SIVA1: variants seen among roughly 807,000 people sequenced by gnomAD.
SIVA1 encodes apoptosis regulatory protein Siva.
Under a neutral mutation model 19.7 loss-of-function variants are expected in SIVA1, and 10 were observed. The observed-to-expected ratio is 0.51, with a 90% CI of 0.31 to 0.86. SIVA1 has a LOEUF of 0.86. Ranked by LOEUF, SIVA1 falls within the 40% of genes least tolerant of loss-of-function variation. SIVA1 has a pLI of 0.04. For synonymous variants in SIVA1, 130 were observed against 106.1 expected, an observed-to-expected ratio of 1.23 and a Z score of -1.39; for missense variants, 241 against 245.2, an observed-to-expected ratio of 0.98 and a Z score of 0.11.
At chr14:104,756,848 GAAC>G in intron 3 of SIVA1, 88 bp downstream of exon 3, 3 of 1,382,692 alleles carry the variant, frequency 2.2e-6, no homozygotes, top group Non-Finnish European at 2.9e-6. Context: ...TGTGGGCCCA[GAAC>G]ACACACGTGT....
intron 2 of SIVA1, 32 bp from the exon 3 acceptor site, chr14:104,756,572 C>T: frequency 6.2e-7 from 1 of 1,613,572 alleles, no homozygotes; most frequent in East Asian, 2.2e-5. Context: ...AGTCTCCTTG[C>T]AGCCTGACGG....
intron 3 of SIVA1, 127 bp downstream of exon 3, chr14:104,756,887 A>G: frequency 9.2e-7 from 1 of 1,092,212 alleles, no homozygotes; most frequent in Non-Finnish European, 1.3e-6. Flanking sequence ...GCCATCTGGC[A>G]TTGCCTAACG....
At chr14:104,755,586 T>C (rs369620011) in intron 1 of SIVA1, 44 bp from the exon 2 acceptor site, 26 of 1,556,596 alleles carry the variant, frequency 1.7e-5, no homozygotes, top group African/African-American at 1.7e-4. Context: ...AGGGGCTTCG[T>C]TGGTACACAG....
chr14:104,757,562 C>G, intron 3 of SIVA1: 2 of 163,532 alleles, frequency 1.2e-5, no homozygotes, highest in Non-Finnish European at 2.7e-5. Context: ...TGCCAGTGAT[C>G]GGCTCCCATG....
intron 1 of SIVA1, among the ~76,000 whole-genome samples, chr14:104,754,494 A>G (rs997445341): frequency 6.6e-6 from 1 of 152,188 alleles, no homozygotes; most frequent in Admixed American, 6.5e-5. Flanking sequence ...GAAGAGGAAG[A>G]TGGAAATGGG....
chr14:104,754,084 G>A (rs1311290310), intron 1 of SIVA1, among the ~76,000 whole-genome samples: 3 of 152,170 alleles, frequency 2.0e-5, no homozygotes, highest in Non-Finnish European at 4.4e-5. Context: ...GGATGTGAGG[G>A]CAGTGAGCTC....
Position 104,755,760 on chromosome 14 carries a change from T to C in SIVA1, c.249T>C (p.Arg83=), listed in dbSNP as rs1891865291. 6.2e-7 allele frequency: 1 copy of C among 1,613,972 alleles called. No individual in the cohort carries two copies. The highest frequency in any genetic ancestry group is 1.1e-5 in the South Asian group (1 of 91,094). Residue 83 remains arginine (R), a synonymous_variant, in exon 2 of 4, where the codon CGT becomes CGC. Transcript: ENST00000329967. The part of the protein sequence containing the change: ...PGPTGAPRAA[R]GQMLIGPDGR... ...CTACAGGGGCCCCGAGGGCTGCACGTGGGCAGATGCTGATTGGACCAGACG... is the reference window on the plus strand; with the variant it reads ...CTACAGGGGCCCCGAGGGCTGCACGCGGGCAGATGCTGATTGGACCAGACG...
chr14:104,755,593 A>T (rs1891857713), intron 1 of SIVA1, 37 bp from the exon 2 acceptor site: 3 of 1,578,224 alleles, frequency 1.9e-6, no homozygotes, highest in Non-Finnish European at 2.6e-6. Context: ...TCGTTGGTAC[A>T]CAGTGAAGGA....
At position 104,756,619 on chromosome 14, in the gene SIVA1, C is replaced by T. The variant is rs367890831; in HGVS notation, c.329C>T (p.Ala110Val). The T allele has an allele frequency of 2.5e-5, 41 of 1,614,072 alleles. No individual in the cohort carries two copies. The highest frequency in any genetic ancestry group is 1.1e-4 in the East Asian group (5 of 44,898). The change falls in exon 3 of 4, where the codon GCG becomes GTG. Residue 110 changes from alanine (A) to valine (V), a missense_variant. Coordinates refer to ENST00000329967, the MANE Select transcript of SIVA1 (RefSeq NM_006427.4). ...TTCCTCACAGACCCATCTGGGGTAG[C>T]GTCCATTGCCTGTTCCTCATGCGTG... Reference protein sequence around the residue: ...QASEADPSGVASIACSSCVRA... With the variant: ...QASEADPSGVVSIACSSCVRA...
intron 1 of SIVA1, chr14:104,753,982 G>A: frequency 3.3e-6 from 1 of 299,084 alleles, no homozygotes; most frequent in Non-Finnish European, 7.1e-6. Flanking sequence ...AGTTAGCCAG[G>A]CAGAGGAAGG....
At chr14:104,756,382 G>T in intron 2 of SIVA1, 1 of 593,338 alleles carries the variant, frequency 1.7e-6, no homozygotes, top group South Asian at 2.0e-5. Context: ...ACTGAACTTG[G>T]AGTCAACTAC....
In SIVA1 at chr14:104,756,967, C is replaced by T. The variant is rs573752872; in HGVS notation, c.470+207C>T. ...AATCCTCTCTAAGGGAAAGCTGAAC[C>T]TCACAGATGACCTGCTCTGTATCCG... is the stretch of plus-strand genomic sequence containing the variant. On this transcript the variant is annotated intron_variant, in intron 3 of 3. Coordinates refer to ENST00000329967, the MANE Select transcript of SIVA1 (RefSeq NM_006427.4). The T allele has an allele frequency of 6.6e-6, 4 of 609,998 alleles. No individual in the cohort carries two copies. In the South Asian group the frequency reaches 8.0e-5, roughly 12 times the overall value. 37.8% of individuals were successfully genotyped at this position (609,998 alleles called of 1,614,324 possible).
intron 2 of SIVA1, chr14:104,756,373 C>T (rs1566809240): frequency 3.4e-6 from 2 of 587,674 alleles, no homozygotes; most frequent in South Asian, 2.0e-5. Context: ...GGAAAGAGCA[C>T]TGAACTTGGA....
In SIVA1 at chr14:104,753,191, G is replaced by A. The variant is rs375401882; in HGVS notation, c.-11G>A. On this transcript the variant is annotated 5_prime_UTR_variant, in exon 1 of 4. Transcript: ENST00000329967. The stretch of plus-strand genomic sequence containing the variant: ...CGGCCGGGGAGCTGCGTAGCTCCCG[G>A]CCCCGCGGCCATGCCCAAGCGGAGC... 2 of 1,545,902 alleles carry A rather than the reference G, an allele frequency of 1.3e-6. No homozygotes were observed. The highest frequency in any genetic ancestry group is 1.7e-6 in the Non-Finnish European group (2 of 1,143,666).
intron 3 of SIVA1, chr14:104,757,555 C>T (rs1891939293): frequency 6.1e-6 from 1 of 164,806 alleles, no homozygotes; most frequent in Non-Finnish European, 1.3e-5. Flanking sequence ...CGCCGCGTGC[C>T]AGTGATCGGC....
At chr14:104,754,037 T>C (rs998177650) in intron 1 of SIVA1, 1 of 291,038 alleles carries the variant, frequency 3.4e-6, no homozygotes, top group African/African-American at 2.2e-5. Context: ...GAGAGCGAAA[T>C]AGGACTCCGT....
intron 2 of SIVA1, chr14:104,756,117 G>A: frequency 3.6e-6 from 2 of 552,914 alleles, no homozygotes; most frequent in Non-Finnish European, 6.6e-6. Flanking sequence ...CTGGAAACAT[G>A]CCAGTCCCAT....
intron 3 of SIVA1, chr14:104,757,285 C>T (rs1395005600): frequency 4.5e-6 from 2 of 442,482 alleles, no homozygotes; most frequent in Non-Finnish European, 9.1e-6. Flanking sequence ...GGGCTACTCA[C>T]CTGGTGGATG....
chr14:104,757,097 T>G, intron 3 of SIVA1: 1 of 388,146 alleles, frequency 2.6e-6, no homozygotes, highest in Admixed American at 4.2e-5. Context: ...GAGGAGCCCC[T>G]GGTTGGTGAC....
Sources: gnomAD v4.1 joint callset for allele counts (sites outside exome capture counted in the v4.1 genomes callset) on GRCh38, gnomAD v4.1.1 for gene constraint, MANE v1.5 for transcripts, NCBI Gene and HGNC (gene_info 2026-07-23, HGNC 2026-07-21) for gene names.